The following CACNA1C variants were observed in gnomAD, a reference collection of about 807,000 sequenced individuals.
CACNA1C encodes the protein voltage-dependent L-type calcium channel subunit alpha-1C.
A neutral mutation model predicts 229.0 loss-of-function variants in CACNA1C; 30 were observed. The observed-to-expected ratio is 0.13, with a 90% CI of 0.10 to 0.18. The LOEUF (loss-of-function observed/expected upper bound fraction) is 0.18, where lower values mean the gene tolerates loss of function less well. Ranked by LOEUF, CACNA1C falls within the 10% of genes least tolerant of loss-of-function variation. CACNA1C has a pLI of 1.00. For missense variants in CACNA1C, 1,658 were observed against 2,845.0 expected (o/e 0.58, Z 9.49); for synonymous variants, 1,114 against 1,132.5 (o/e 0.98, Z 0.33).
At chr12:2,434,864 G>T (rs1367303905) in intron 3 of CACNA1C, among the ~76,000 whole-genome samples, 1 of 152,152 alleles carries the variant, frequency 6.6e-6, no homozygotes, top group Non-Finnish European at 1.5e-5. Context: ...CTGGACCACG[G>T]CAGAGGTCTC....
intron 1 of CACNA1C, among the ~76,000 whole-genome samples, chr12:2,102,967 C>G (rs2076980347): frequency 6.6e-6 from 1 of 152,194 alleles, no homozygotes; most frequent in South Asian, 2.1e-4. Context: ...GCCACATTTT[C>G]TTTATCCAGT....
chr12:2,690,871 T>A lies in CACNA1C; in HGVS notation c.6118-29T>A, dbSNP rs759039224. 5 of 1,515,898 alleles carry A rather than the reference T, an allele frequency of 3.3e-6. No homozygotes were observed. In the South Asian group the frequency reaches 6.5e-5, roughly 20 times the overall value. The allele number at this position is 1,515,898 out of a possible 1,614,324, so 93.9% of individuals were successfully genotyped here. A position where few individuals can be genotyped will look rare whatever the true frequency, so the allele number is the denominator to read the frequency against. On this transcript the variant is annotated intron_variant, in intron 46 of 46. Transcript: ENST00000399655. ...GCTCCAGGAGTAATGTTCCTTTGGT[T>A]CTTCATGGCTCCCACCCCGCTCCTT... is the stretch of plus-strand genomic sequence containing the variant.
chr12:2,086,012 G>A (rs1278717259), intron 1 of CACNA1C, among the ~76,000 whole-genome samples: 1 of 152,156 alleles, frequency 6.6e-6, no homozygotes, highest in African/African-American at 2.4e-5. Context: ...TTCAGATCAA[G>A]CATCCCCTCC....
rs185931619 is a variant in CACNA1C, at chr12:2,028,114, G to T, written c.139+56913G>T. ...TTATAAGTTTTCCCACAGTGTTAAAGAATGCCTAAGGATGCAGTATTTGAA... is the reference window on the plus strand; with the variant it reads ...TTATAAGTTTTCCCACAGTGTTAAATAATGCCTAAGGATGCAGTATTTGAA... On this transcript the variant is annotated intron_variant, in intron 1 of 46. Transcript: ENST00000682462. Among the ~76,000 whole-genome samples the T allele has an allele frequency of 1.9e-4, 29 of 152,350 alleles. No homozygotes were observed. The East Asian group carries it at 5.6e-3, about 29-fold the overall frequency.
Position 2,151,614 on chromosome 12 carries a change from A to G in CACNA1C, c.477+31184A>G, listed in dbSNP as rs990644645. Among the ~76,000 whole-genome samples, 4 of 152,202 alleles carry G rather than the reference A, an allele frequency of 2.6e-5. 1 individual carries two copies. Among genetic ancestry groups the G allele is most frequent in the Non-Finnish European group, 5.9e-5 (4 of 68,032 alleles). On this transcript the variant is annotated intron_variant, in intron 3 of 46. Coordinates refer to ENST00000399655, the MANE Select transcript of CACNA1C (RefSeq NM_000719.7). Reference sequence around the variant, plus strand: ...GTCTCAGAGAATAAGCGCTTGTCATAGAATGGGTCGTGAAGCTGGGCAGAG... The same window carrying G: ...GTCTCAGAGAATAAGCGCTTGTCATGGAATGGGTCGTGAAGCTGGGCAGAG...
At chr12:2,193,153 G>A (rs933788094) in intron 3 of CACNA1C, among the ~76,000 whole-genome samples, 1 of 152,220 alleles carries the variant, frequency 6.6e-6, no homozygotes, top group Non-Finnish European at 1.5e-5. Context: ...GGAACATCTG[G>A]TTGAAACTTG....
In CACNA1C at chr12:2,476,150, C is replaced by T. The variant is rs1278587696; in HGVS notation, c.758-9954C>T. Among the ~76,000 whole-genome samples, 4 of 152,316 alleles carry T rather than the reference C, an allele frequency of 2.6e-5. No homozygotes were observed. The East Asian group carries it at 5.8e-4, about 22-fold the overall frequency. ...GGAGGCAGCACAGAGGGACGGCCAT[C>T]GTGATGCAATCACTTCCAATGGATT... On this transcript the variant is annotated intron_variant, in intron 5 of 46. Coordinates refer to ENST00000399655, the MANE Select transcript of CACNA1C (RefSeq NM_000719.7).
rs753137748 is a variant in CACNA1C at position 2,170,750 on chromosome 12, C to T, written c.477+50320C>T. 2.7e-4 allele frequency among the ~76,000 whole-genome samples: 41 copies of T among 152,324 alleles called. 1 individual carries two copies. The highest frequency in any genetic ancestry group is 1.5e-3 in the South Asian group (7 of 4,822). Reference sequence around the variant, plus strand: ...CTTTTTCTCTTTCCTCTCCCACGTTCACTGGGAAGCAAGGAAGTTGAGGAC... The same window carrying T: ...CTTTTTCTCTTTCCTCTCCCACGTTTACTGGGAAGCAAGGAAGTTGAGGAC... On this transcript the variant is annotated intron_variant, in intron 3 of 46. Coordinates refer to ENST00000399655, the MANE Select transcript of CACNA1C (RefSeq NM_000719.7).
rs1555700994 is a variant in CACNA1C at position 2,512,948 on chromosome 12, G to T, written c.1354G>T (p.Glu452Ter). The T allele has an allele frequency of 6.2e-7, 1 of 1,610,060 alleles. No individual in the cohort carries two copies. ...TQAEDIDPENEDEGMDEEKPR... is the reference protein window; with the variant it reads ...TQAEDIDPEN ...GGCCGAAGACATCGATCCTGAGAATGAGGACGAAGGCATGGATGAGGAGAA... is the reference window on the plus strand; with the variant it reads ...GGCCGAAGACATCGATCCTGAGAATTAGGACGAAGGCATGGATGAGGAGAA... Residue 452 changes from glutamate to a stop codon, truncating the protein, a stop_gained, in exon 9 of 47, where the codon GAG (glutamate) becomes TAG (stop). Transcript: ENST00000399655. LOFTEE classifies it high-confidence loss of function. The surrounding 1 kb of genome is among the most constrained non-coding windows in gnomAD (Gnocchi z 4.3).
intron 13 of CACNA1C, among the ~76,000 whole-genome samples, chr12:2,568,232 G>A (rs1000775240): frequency 5.3e-5 from 8 of 152,040 alleles, no homozygotes; most frequent in South Asian, 2.1e-4. Context: ...CGACCACCCC[G>A]GCCAAGTCAG....
intron 29 of CACNA1C, among the ~76,000 whole-genome samples, chr12:2,618,801 G>A (rs1159616725): frequency 6.6e-6 from 1 of 152,208 alleles, no homozygotes; most frequent in African/African-American, 2.4e-5. Flanking sequence ...GATGCACACT[G>A]GAGCCCGTTC....
intron 1 of CACNA1C, chr12:1,992,091 T>C (rs1418172671): frequency 5.6e-6 from 2 of 356,272 alleles, no homozygotes; most frequent in Non-Finnish European, 1.2e-5. Flanking sequence ...GAATTCCAAG[T>C]CTTTAGTAAT....
chr12:2,122,122 A>G (rs2087049138), intron 3 of CACNA1C, among the ~76,000 whole-genome samples: 1 of 152,178 alleles, frequency 6.6e-6, no homozygotes, highest in African/African-American at 2.4e-5. Flanking sequence ...GGAGAGGACA[A>G]GAGGTCACCC....
chr12:2,067,479 T>TGTGCGC lies in CACNA1C; in HGVS notation c.49+13870_49+13875dup, dbSNP rs1004270675. ...GTGTGTGTGTGTGTGTGTGTGTGTG[T>TGTGCGC]GTGCGCGCGTGTGCGTGCCTGTATG... On this transcript the variant is annotated intron_variant, in intron 1 of 46. Transcript: ENST00000399655. The surrounding 1 kb of genome is among the most constrained non-coding windows in gnomAD (Gnocchi z 5.3). Among the ~76,000 whole-genome samples, 2 of 126,946 alleles carry TGTGCGC rather than the reference T, an allele frequency of 1.6e-5. No individual in the cohort carries two copies. The highest frequency in any genetic ancestry group is 5.8e-5 in the African/African-American group (2 of 34,318). 83.3% of individuals were successfully genotyped at this position (126,946 alleles called of 152,430 possible).
chr12:2,359,926 T>C (rs1424701723), intron 3 of CACNA1C, among the ~76,000 whole-genome samples: 1 of 152,120 alleles, frequency 6.6e-6, no homozygotes, highest in Non-Finnish European at 1.5e-5. Context: ...CCAAGCAGTC[T>C]TCCCAGACGA....
At chr12:2,537,596 A>G (rs922516726) in intron 9 of CACNA1C, among the ~76,000 whole-genome samples, 13 of 152,216 alleles carry the variant, frequency 8.5e-5, no homozygotes, top group African/African-American at 3.1e-4. Context: ...ATCATACTCT[A>G]TCCCTTTCCA....
At chr12:2,490,002 A>G (rs1196247336) in intron 6 of CACNA1C, among the ~76,000 whole-genome samples, 1 of 152,274 alleles carries the variant, frequency 6.6e-6, no homozygotes, top group Non-Finnish European at 1.5e-5. Flanking sequence ...GTGTGTTGCT[A>G]GGACCTGCTG....
In CACNA1C at chr12:2,486,769, CT is replaced by C. The variant is rs1365076729; in HGVS notation, c.916+509del. 1.3e-5 allele frequency among the ~76,000 whole-genome samples: 2 copies of C among 152,148 alleles called. No homozygotes were observed. Among genetic ancestry groups the C allele is most frequent in the Non-Finnish European group, 2.9e-5 (2 of 68,034 alleles). On this transcript the variant is annotated intron_variant, in intron 6 of 46. Coordinates refer to ENST00000399655, the MANE Select transcript of CACNA1C (RefSeq NM_000719.7). This position sits in a 1 kb window ranked among gnomAD's most constrained non-coding sequence, Gnocchi z 4.9. ...AGATCCTCTGTAATTATTGTTTCTGCTTCTCCATTCACAGGCAGATGCCCCA... is the reference window on the plus strand; with the variant it reads ...AGATCCTCTGTAATTATTGTTTCTGCTCTCCATTCACAGGCAGATGCCCCA...
intron 3 of CACNA1C, among the ~76,000 whole-genome samples, chr12:2,388,510 G>T (rs1307836673): frequency 1.3e-5 from 2 of 152,256 alleles, no homozygotes; most frequent in Admixed American, 6.5e-5. Flanking sequence ...TGGATTTGAT[G>T]ATGGAGGTGA....
Sources: allele counts gnomAD v4.1 joint callset (sites outside exome capture counted in the v4.1 genomes callset), GRCh38; gene constraint gnomAD v4.1.1; non-coding constraint Gnocchi (gnomAD v3.1); transcripts MANE v1.5; gene names NCBI Gene and HGNC (gene_info 2026-07-23, HGNC 2026-07-21).